Variants in TASP1 observed in about 807,000 individuals in gnomAD.
TASP1 encodes the protein threonine aspartase 1.
TASP1 carries 16 observed loss-of-function variants against 56.6 expected under a neutral mutation model. That is an observed-to-expected ratio of 0.28 (90% CI 0.19 to 0.43). The LOEUF (loss-of-function observed/expected upper bound fraction) is 0.43. Ranked by LOEUF, TASP1 falls within the 20% of genes least tolerant of loss-of-function variation. TASP1 has a pLI of 1.00. For synonymous variants in TASP1, 179 were observed against 184.2 expected (o/e 0.97, Z 0.23); for missense variants, 393 against 511.6 (o/e 0.77, Z 2.24).
the TASP1 span, among the ~76,000 whole-genome samples, chr20:13,213,556 T>C: frequency 1.3e-5 from 2 of 151,852 alleles, no homozygotes; most frequent in African/African-American, 4.8e-5. Flanking sequence ...CCTGAGGGAG[T>C]TGGATGATGT....
intron 13 of TASP1, among the ~76,000 whole-genome samples, chr20:13,413,408 C>CA (rs1439279857): frequency 6.6e-6 from 1 of 151,264 alleles, no homozygotes; most frequent in African/African-American, 2.4e-5. Flanking sequence ...AGTAATATAA[C>CA]AAAAAACATC....
At chr20:13,434,929 TA>T in intron 12 of TASP1, 114 bp downstream of exon 12, 1 of 637,464 alleles carries the variant, frequency 1.6e-6, no homozygotes, top group Non-Finnish European at 2.7e-6. Context: ...CAGATATCAA[TA>T]AAGCATGCTG....
the TASP1 span, among the ~76,000 whole-genome samples, chr20:13,301,636 G>A: frequency 2.0e-5 from 3 of 152,150 alleles, no homozygotes; most frequent in African/African-American, 7.2e-5. Context: ...TGAACTAGTA[G>A]GAAGAGAATC....
the TASP1 span, among the ~76,000 whole-genome samples, chr20:13,349,865 C>T: frequency 6.6e-6 from 1 of 152,210 alleles, no homozygotes; most frequent in South Asian, 2.1e-4. Flanking sequence ...TTAAAAATTA[C>T]ATAGTCTGGA....
At chr20:13,590,673 C>T (rs770620031) in intron 4 of TASP1, among the ~76,000 whole-genome samples, 1 of 152,024 alleles carries the variant, frequency 6.6e-6, no homozygotes, top group Non-Finnish European at 1.5e-5. Context: ...CGAGACCAGC[C>T]TGGCCAACAT....
At chr20:13,573,202 A>AT (rs1387088874) in intron 6 of TASP1, among the ~76,000 whole-genome samples, 1 of 152,198 alleles carries the variant, frequency 6.6e-6, no homozygotes, top group Non-Finnish European at 1.5e-5. Context: ...TTTTTTTATT[A>AT]TTGAAATGTT....
chr20:13,175,189 A>G, the TASP1 span, among the ~76,000 whole-genome samples: 1 of 152,204 alleles, frequency 6.6e-6, no homozygotes, highest in Non-Finnish European at 1.5e-5. Context: ...AATTTACACT[A>G]GAGAAATACT....
chr20:13,503,088 T>C (rs2044004390), intron 10 of TASP1, among the ~76,000 whole-genome samples: 2 of 152,136 alleles, frequency 1.3e-5, no homozygotes, highest in South Asian at 4.2e-4. Flanking sequence ...ACTGAAGTGA[T>C]TGGCACAATT....
chr20:13,562,459 A>AAGTT, intron 7 of TASP1, among the ~76,000 whole-genome samples: 1 of 152,088 alleles, frequency 6.6e-6, no homozygotes, highest in Non-Finnish European at 1.5e-5. Flanking sequence ...ATAAAACCAA[A>AAGTT]AGTTAGTTCA....
At chr20:13,542,423 G>A (rs984113925) in intron 8 of TASP1, among the ~76,000 whole-genome samples, 1 of 152,142 alleles carries the variant, frequency 6.6e-6, no homozygotes, top group Non-Finnish European at 1.5e-5. Flanking sequence ...ACTCCACAAT[G>A]AGGTATTTCA....
chr20:13,559,871 C>T (rs1568582274), intron 7 of TASP1, among the ~76,000 whole-genome samples: 1 of 152,020 alleles, frequency 6.6e-6, no homozygotes, highest in Non-Finnish European at 1.5e-5. Context: ...ATTCATAAAA[C>T]ACATAAGAGA....
the TASP1 span, among the ~76,000 whole-genome samples, chr20:13,198,590 A>C: frequency 6.6e-6 from 1 of 152,222 alleles, no homozygotes; most frequent in Non-Finnish European, 1.5e-5. Context: ...CAAATCTTGA[A>C]GTGAACAATA....
At chr20:13,186,603 C>G in the TASP1 span, among the ~76,000 whole-genome samples, 9 of 152,278 alleles carry the variant, frequency 5.9e-5, no homozygotes, top group African/African-American at 2.2e-4. Context: ...TCCCCAACAC[C>G]TTATACCAAG....
chr20:13,384,998 G>A (rs1460638390), downstream of TASP1, among the ~76,000 whole-genome samples: 1 of 152,166 alleles, frequency 6.6e-6, no homozygotes, highest in African/African-American at 2.4e-5. Flanking sequence ...ATTTATGTCA[G>A]AACAATGCTG....
chr20:13,429,415 T>C (rs1240941595), intron 12 of TASP1, among the ~76,000 whole-genome samples: 1 of 151,972 alleles, frequency 6.6e-6, no homozygotes, highest in Non-Finnish European at 1.5e-5. Context: ...TGAGAATGAA[T>C]GAAGAGAAAA....
intron 11 of TASP1, among the ~76,000 whole-genome samples, chr20:13,467,214 C>CACAT (rs1225150193): frequency 3.3e-5 from 5 of 150,642 alleles, no homozygotes; most frequent in African/African-American, 1.2e-4. Context: ...CACACACACA[C>CACAT]ACGACACACA....
chr20:13,220,450 C>T, the TASP1 span, among the ~76,000 whole-genome samples: 2 of 152,250 alleles, frequency 1.3e-5, no homozygotes, highest in Non-Finnish European at 2.9e-5. Context: ...CCGGGATCGA[C>T]AGCTGCGCGA....
chr20:13,305,286 A>T, the TASP1 span, among the ~76,000 whole-genome samples: 1 of 151,972 alleles, frequency 6.6e-6, no homozygotes, highest in Non-Finnish European at 1.5e-5. Context: ...TAACATTTTT[A>T]AGTACTTTTC....
chr20:13,488,150 C>T (rs6134882), intron 10 of TASP1, among the ~76,000 whole-genome samples: 38,590 of 151,810 alleles, frequency 0.25, 5,062 homozygotes, highest in Middle Eastern at 0.31. Flanking sequence ...CTAATATTTG[C>T]ATAAGGAATA....
Sources: gnomAD v4.1 joint callset for allele counts (sites outside exome capture counted in the v4.1 genomes callset) on GRCh38, gnomAD v4.1.1 for gene constraint, MANE v1.5 for transcripts, NCBI Gene and HGNC (gene_info 2026-07-23, HGNC 2026-07-21) for gene names.